The following TOX variants were observed in gnomAD, a reference collection of about 807,000 sequenced individuals.
The protein encoded by TOX is thymocyte selection associated high mobility group box, also known as thymocyte selection-associated high mobility group box protein TOX.
In TOX, 11 loss-of-function variants were observed where a neutral mutation model predicts 53.7. That is an observed-to-expected ratio of 0.20 (90% CI 0.13 to 0.34). The LOEUF (loss-of-function observed/expected upper bound fraction) is 0.34. Among genes scored for constraint, TOX ranks in the 10% least tolerant of loss-of-function variants. The pLI, the probability that TOX is intolerant of heterozygous loss-of-function variation, is 1.00. For missense variants in TOX, 570 were observed against 664.6 expected, an observed-to-expected ratio of 0.86 and a Z score of 1.56; for synonymous variants, 225 against 245.3, an observed-to-expected ratio of 0.92 and a Z score of 0.77.
chr8:59,082,486 T>A (rs7843195), intron 1 of TOX, among the ~76,000 whole-genome samples: 17 of 152,256 alleles, frequency 1.1e-4, no homozygotes, highest in Admixed American at 1.1e-3. Flanking sequence ...TATTTATGGA[T>A]ATGAATTTTA....
intron 1 of TOX, among the ~76,000 whole-genome samples, chr8:59,040,328 CAAAAAAAAAAAA>C: frequency 1.2e-5 from 1 of 81,290 alleles, no homozygotes; most frequent in South Asian, 4.7e-4. Flanking sequence ...GACTCCGTCT[CAAAAAAAAAAAA>C]AAAAAAAAAA....
rs572302698 is a variant in TOX, at chr8:59,024,722, T to A, written c.103-64714A>T. On this transcript the variant is annotated intron_variant, in intron 1 of 8. Transcript: ENST00000361421. ...CTTCTGGCTGCTACTTTTTAAAAACTAACTTCTGTGTGCTTGTCTTTACCC... is the reference window on the plus strand; with the variant it reads ...CTTCTGGCTGCTACTTTTTAAAAACAAACTTCTGTGTGCTTGTCTTTACCC... 8.5e-5 allele frequency among the ~76,000 whole-genome samples: 13 copies of A among 152,206 alleles called. No homozygotes were observed. The South Asian group carries it at 2.7e-3, about 32-fold the overall frequency.
At chr8:58,830,180 G>T (rs547839745) in intron 5 of TOX, among the ~76,000 whole-genome samples, 2 of 152,272 alleles carry the variant, frequency 1.3e-5, no homozygotes, top group Non-Finnish European at 2.9e-5. Context: ...TTGGCCAGAT[G>T]AGGATTTAAA....
intron 1 of TOX, among the ~76,000 whole-genome samples, chr8:59,025,549 A>G (rs1043125195): frequency 6.6e-6 from 1 of 152,128 alleles, no homozygotes; most frequent in African/African-American, 2.4e-5. Flanking sequence ...AGCCTTCTCT[A>G]TAGCCATTCT....
At chr8:59,012,487 C>T (rs1187961193) in intron 1 of TOX, among the ~76,000 whole-genome samples, 1 of 151,570 alleles carries the variant, frequency 6.6e-6, no homozygotes, top group African/African-American at 2.4e-5. Flanking sequence ...GCACAGCTGG[C>T]AGAAGCCTCA....
chr8:59,079,152 T>C (rs1404014256), intron 1 of TOX, among the ~76,000 whole-genome samples: 3 of 152,300 alleles, frequency 2.0e-5, no homozygotes, highest in Non-Finnish European at 4.4e-5. Flanking sequence ...TTGGAACTTA[T>C]ATTTAAAAGG....
At chr8:58,861,126 T>C (rs113471338) in intron 3 of TOX, among the ~76,000 whole-genome samples, 4 of 152,336 alleles carry the variant, frequency 2.6e-5, no homozygotes, top group African/African-American at 9.6e-5. Flanking sequence ...AGGGCTTTCC[T>C]GCCCAGCGAA....
intron 3 of TOX, among the ~76,000 whole-genome samples, chr8:58,920,888 T>TTA (rs1563389493): frequency 6.6e-6 from 1 of 151,636 alleles, no homozygotes; most frequent in Non-Finnish European, 1.5e-5. Flanking sequence ...AAGAAAAAAA[T>TTA]TATATATATT....
chr8:59,107,202 T>C (rs967259822), intron 1 of TOX, among the ~76,000 whole-genome samples: 3 of 152,144 alleles, frequency 2.0e-5, no homozygotes, highest in African/African-American at 7.2e-5. Context: ...ATGAAAAGAA[T>C]ATGTAGCATG....
At chr8:59,098,626 G>A (rs532781590) in intron 1 of TOX, among the ~76,000 whole-genome samples, 1 of 152,212 alleles carries the variant, frequency 6.6e-6, no homozygotes, top group South Asian at 2.1e-4. Flanking sequence ...AGCTGTGAAA[G>A]AATCCTAATA....
chr8:59,092,418 G>C lies in TOX; in HGVS notation c.102+26468C>G, dbSNP rs988963263. Reference sequence around the variant, plus strand: ...TATAAAAAAAGTTGGAAAATTATCAGTCTGATAGATTCCTAATTGGTATTC... The same window carrying C: ...TATAAAAAAAGTTGGAAAATTATCACTCTGATAGATTCCTAATTGGTATTC... On this transcript the variant is annotated intron_variant, in intron 1 of 8. Transcript: ENST00000361421. Among the ~76,000 whole-genome samples the C allele has an allele frequency of 3.5e-5, 5 of 143,960 alleles. 1 individual carries two copies. The highest frequency in any genetic ancestry group is 7.2e-5 in the Admixed American group (1 of 13,962). The allele number at this position is 143,960 out of a possible 152,430, so 94.4% of individuals were successfully genotyped here. A position where few individuals can be genotyped will look rare whatever the true frequency, so the allele number is the denominator to read the frequency against.
At chr8:59,083,025 G>A (rs183563884) in intron 1 of TOX, among the ~76,000 whole-genome samples, 11 of 152,238 alleles carry the variant, frequency 7.2e-5, no homozygotes, top group African/African-American at 2.2e-4. Context: ...GATTTCTGTC[G>A]TGAGGGAGTG....
intron 7 of TOX, 98 bp downstream of exon 7, chr8:58,815,240 T>C (rs1020312505): frequency 5.6e-6 from 8 of 1,439,322 alleles, no homozygotes; most frequent in Admixed American, 4.8e-5. Flanking sequence ...AGAAAACACA[T>C]ATCCCCAATC....
intron 1 of TOX, among the ~76,000 whole-genome samples, chr8:59,007,728 T>C (rs1239305587): frequency 2.6e-5 from 4 of 152,182 alleles, no homozygotes; most frequent in Non-Finnish European, 5.9e-5. Context: ...AGGTAAATAT[T>C]ATGAATGATT....
intron 4 of TOX, among the ~76,000 whole-genome samples, chr8:58,850,002 C>T (rs1810783063): frequency 6.6e-6 from 1 of 152,042 alleles, no homozygotes; most frequent in African/African-American, 2.4e-5. Flanking sequence ...AAATTATTGC[C>T]CTGGAAATGG....
intron 7 of TOX, among the ~76,000 whole-genome samples, chr8:58,813,105 G>A (rs1056426600): frequency 6.6e-6 from 1 of 152,194 alleles, no homozygotes; most frequent in Non-Finnish European, 1.5e-5. Flanking sequence ...TGACTTAAAG[G>A]ATGATGAATA....
chr8:59,012,203 A>G (rs1395726321), intron 1 of TOX, among the ~76,000 whole-genome samples: 1 of 152,170 alleles, frequency 6.6e-6, no homozygotes, highest in Non-Finnish European at 1.5e-5. Flanking sequence ...TAAGCCAATC[A>G]CCAATCTAAT....
rs183898082 is a variant in TOX at position 58,840,531 on chromosome 8, A to T, written c.694-2220T>A. ...TAGAGTCACCTGGTCAGCTTTTAATACCCTGATGTCCAAGTCTTACCCTAC... is the reference window on the plus strand; with the variant it reads ...TAGAGTCACCTGGTCAGCTTTTAATTCCCTGATGTCCAAGTCTTACCCTAC... On this transcript the variant is annotated intron_variant, in intron 4 of 8. Transcript: ENST00000361421. 9.7e-4 allele frequency among the ~76,000 whole-genome samples: 148 copies of T among 152,274 alleles called. 2 individuals are homozygous for T. Among genetic ancestry groups the T allele is most frequent in the Non-Finnish European group, 1.5e-3 (100 of 68,006 alleles).
chr8:59,044,245 A>AAAAAAAG (rs1554541660), intron 1 of TOX, among the ~76,000 whole-genome samples: 3 of 151,880 alleles, frequency 2.0e-5, no homozygotes, highest in African/African-American at 7.3e-5. Context: ...AAAAAAAAAA[A>AAAAAAAG]AGGTGGACGA....
Sources: allele counts gnomAD v4.1 joint callset (sites outside exome capture counted in the v4.1 genomes callset), GRCh38; gene constraint gnomAD v4.1.1; transcripts MANE v1.5; gene names NCBI Gene and HGNC (gene_info 2026-07-23, HGNC 2026-07-21).